The following STON2 variants were observed in gnomAD, a reference collection of about 807,000 sequenced individuals.
STON2 encodes the protein stonin-2.
Under a neutral mutation model 65.7 loss-of-function variants are expected in STON2, and 29 were observed. That is an observed-to-expected ratio of 0.44 (90% CI 0.33 to 0.60). The LOEUF (loss-of-function observed/expected upper bound fraction) is 0.60, where lower values mean the gene tolerates loss of function less well. Ranked by LOEUF, STON2 falls within the 20% of genes least tolerant of loss-of-function variation. The pLI, the probability that STON2 is intolerant of heterozygous loss-of-function variation, is 0.03. For missense variants in STON2, 1,054 were observed against 1,118.1 expected, an observed-to-expected ratio of 0.94 and a Z score of 0.82; for synonymous variants, 404 against 414.2, an observed-to-expected ratio of 0.98 and a Z score of 0.30.
At position 81,268,485 on chromosome 14, in the gene STON2, G is replaced by A. The variant is rs1566878378; in HGVS notation, c.2797C>T (p.Gln933Ter). 1.6e-6 allele frequency: 2 copies of A among 1,289,174 alleles called. No individual in the cohort carries two copies. Among genetic ancestry groups the A allele is most frequent in the South Asian group, 1.2e-5 (1 of 80,998 alleles). 79.9% of individuals were successfully genotyped at this position (1,289,174 alleles called of 1,614,324 possible). A position where few individuals can be genotyped will look rare whatever the true frequency, so the allele number is the denominator to read the frequency against. Residue 933 changes from glutamine (Q) to a stop codon, truncating the protein, a stop_gained, in exon 8 of 8, where the codon CAA (glutamine) becomes TAA (stop). Transcript: ENST00000614646. LOFTEE classifies it high-confidence loss of function. ...AAGTCCGGCTTCAAACTCTTTTTTT[G>A]CTCAATTTCCACCTGCCAAGAATAG... ...AHYSYQVEIE[Q>*]KKSLKPDFEG...
At chr14:81,366,383 G>A (rs1898728294) in intron 4 of STON2, among the ~76,000 whole-genome samples, 1 of 152,146 alleles carries the variant, frequency 6.6e-6, no homozygotes, top group Non-Finnish European at 1.5e-5. Context: ...CAAATAGGCT[G>A]GGCCCAGAGC....
intron 4 of STON2, among the ~76,000 whole-genome samples, chr14:81,331,616 ACCCT>A (rs1286619239): frequency 6.6e-6 from 1 of 152,158 alleles, no homozygotes; most frequent in African/African-American, 2.4e-5. Context: ...TTCACTGCAG[ACCCT>A]CAGATCACTT....
intron 5 of STON2, among the ~76,000 whole-genome samples, chr14:81,279,510 G>A (rs998541736): frequency 6.6e-6 from 1 of 152,112 alleles, no homozygotes; most frequent in South Asian, 2.1e-4. Context: ...CCAACGTGGT[G>A]AAACCCAATG....
At chr14:81,317,273 C>T (rs895349954) in intron 5 of STON2, among the ~76,000 whole-genome samples, 2 of 152,252 alleles carry the variant, frequency 1.3e-5, no homozygotes, top group South Asian at 4.2e-4. Flanking sequence ...GGCACCAAGC[C>T]ATTCATGAGG....
At chr14:81,352,479 C>G (rs976020812) in intron 4 of STON2, among the ~76,000 whole-genome samples, 1 of 152,102 alleles carries the variant, frequency 6.6e-6, no homozygotes, top group Non-Finnish European at 1.5e-5. Flanking sequence ...GGTTCCATAT[C>G]TAGTTTGAAT....
intron 5 of STON2, among the ~76,000 whole-genome samples, chr14:81,299,953 A>T (rs941458888): frequency 7.2e-5 from 11 of 151,994 alleles, no homozygotes; most frequent in East Asian, 1.9e-4. Flanking sequence ...GCTTAAAAAA[A>T]TTTTTTTGAT....
chr14:81,261,849 AC>A lies in STON2; in HGVS notation c.*6564del. The A allele has an allele frequency of 2.0e-6, 3 of 1,533,166 alleles. No homozygotes were observed. Among genetic ancestry groups the A allele is most frequent in the African/African-American group, 1.4e-5 (1 of 72,308 alleles). The allele number at this position is 1,533,166 out of a possible 1,614,324, so 95.0% of individuals were successfully genotyped here. On this transcript the variant is annotated 3_prime_UTR_variant, in exon 8 of 8. Transcript: ENST00000614646. ...AGAAGCATTCCACCTGATCTTCACC[AC>A]CCTCTTTGATCCTCTTTTTAAATCT...
At chr14:81,341,924 A>C (rs907449321) in intron 4 of STON2, among the ~76,000 whole-genome samples, 1 of 152,014 alleles carries the variant, frequency 6.6e-6, no homozygotes, top group Non-Finnish European at 1.5e-5. Flanking sequence ...TCCATTCCTC[A>C]TTTTCATTTC....
intron 4 of STON2, among the ~76,000 whole-genome samples, chr14:81,360,473 ATTCT>A (rs1472019727): frequency 6.6e-6 from 1 of 152,176 alleles, no homozygotes; most frequent in Non-Finnish European, 1.5e-5. Context: ...AAAATTCAAC[ATTCT>A]TTAATGATAA....
chr14:81,321,876 T>C (rs1350791488), intron 5 of STON2, among the ~76,000 whole-genome samples: 1 of 152,138 alleles, frequency 6.6e-6, no homozygotes. Context: ...TCCCATCCCA[T>C]GGAAACTGGA....
chr14:81,275,512 C>T (rs1183644393), intron 6 of STON2, among the ~76,000 whole-genome samples: 4 of 152,058 alleles, frequency 2.6e-5, no homozygotes, highest in Non-Finnish European at 5.9e-5. Flanking sequence ...TTCTCTCTTC[C>T]TCTGTCAATT....
rs367987482 is a variant in STON2 at position 81,308,811 on chromosome 14, T to C, written c.742+15206A>G. Among the ~76,000 whole-genome samples, 12 of 16,074 alleles carry C rather than the reference T, an allele frequency of 7.5e-4. 3 individuals are homozygous for C. Among genetic ancestry groups the C allele is most frequent in the South Asian group, 2.3e-3 (1 of 444 alleles). The allele number at this position is 16,074 out of a possible 152,430, so 10.5% of individuals were successfully genotyped here. ...ATATATATATATATATATATATATA[T>C]ATATATATATATATGTGTGTGTGTG... On this transcript the variant is annotated intron_variant, in intron 5 of 7. Coordinates refer to ENST00000614646, the MANE Select transcript of STON2 (RefSeq NM_001394390.1).
At position 81,278,702 on chromosome 14, in the gene STON2, C is replaced by T; in HGVS notation, c.780G>A (p.Glu260=). 2 of 1,520,746 alleles carry T rather than the reference C, an allele frequency of 1.3e-6. No homozygotes were observed. Among genetic ancestry groups the T allele is most frequent in the Non-Finnish European group, 1.8e-6 (2 of 1,137,158 alleles). The allele number at this position is 1,520,746 out of a possible 1,614,324, so 94.2% of individuals were successfully genotyped here. Reference sequence around the variant, plus strand: ...TGGCCTGCCAGCTGATGGCCTCCATCTCTACTTCTTCATCTTCTTGAAGCG... The same window carrying T: ...TGGCCTGCCAGCTGATGGCCTCCATTTCTACTTCTTCATCTTCTTGAAGCG... ...SSSLQEDEEV[E]MEAISWQASS... Residue 260 remains glutamate (E), a synonymous_variant, in exon 6 of 8, where the codon GAG becomes GAA. Transcript: ENST00000614646.
At chr14:81,388,798 G>A (rs757708619) in intron 3 of STON2, among the ~76,000 whole-genome samples, 3 of 152,148 alleles carry the variant, frequency 2.0e-5, no homozygotes, top group African/African-American at 2.4e-5. Context: ...GGAATATCCC[G>A]GATAACCTCG....
At chr14:81,268,811 C>A (rs1270494125) in intron 7 of STON2, 1 of 201,152 alleles carries the variant, frequency 5.0e-6, no homozygotes, top group African/African-American at 2.4e-5. Context: ...TTAGGTACTT[C>A]TCTCTGTGAA....
chr14:81,311,748 G>C (rs950649165), intron 5 of STON2, among the ~76,000 whole-genome samples: 2 of 152,202 alleles, frequency 1.3e-5, no homozygotes, highest in African/African-American at 4.8e-5. Flanking sequence ...GGTCTAGAAA[G>C]AAGCAGATCC....
intron 4 of STON2, among the ~76,000 whole-genome samples, chr14:81,336,319 C>T (rs1260986387): frequency 6.6e-6 from 1 of 152,106 alleles, no homozygotes; most frequent in African/African-American, 2.4e-5. Context: ...CTTGTTACCA[C>T]ATTCCAGGAA....
At chr14:81,414,620 C>T (rs1043398539) in intron 2 of STON2, among the ~76,000 whole-genome samples, 1 of 151,270 alleles carries the variant, frequency 6.6e-6, no homozygotes, top group African/African-American at 2.4e-5. Flanking sequence ...TCCTTGAATA[C>T]TAGATGTGAA....
At chr14:81,279,179 G>T (rs1895005626) in intron 5 of STON2, among the ~76,000 whole-genome samples, 1 of 152,094 alleles carries the variant, frequency 6.6e-6, no homozygotes, top group Non-Finnish European at 1.5e-5. Flanking sequence ...GTGATAATAT[G>T]ATTATAAATA....
Sources: gnomAD v4.1 joint callset for allele counts (sites outside exome capture counted in the v4.1 genomes callset) on GRCh38, gnomAD v4.1.1 for gene constraint, MANE v1.5 for transcripts, NCBI Gene and HGNC (gene_info 2026-07-23, HGNC 2026-07-21) for gene names.